SCRN3: variants seen among roughly 807,000 people sequenced by gnomAD.
SCRN3 encodes secernin-3.
SCRN3 carries 39 observed loss-of-function variants against 43.1 expected under a neutral mutation model. The ratio of observed to expected loss-of-function variants is 0.91; its 90% confidence interval spans 0.70 to 1.18. The LOEUF is 1.18. SCRN3 is among the 50% of genes most tolerant of loss of function. SCRN3 has a pLI of 0.00. For synonymous variants in SCRN3, 147 were observed against 163.1 expected (o/e 0.90, Z 0.75); for missense variants, 484 against 498.0 (o/e 0.97, Z 0.27).
intron 5 of SCRN3, among the ~76,000 whole-genome samples, chr2:174,419,555 T>G (rs1462017109): frequency 6.6e-6 from 1 of 152,100 alleles, no homozygotes; most frequent in East Asian, 1.9e-4. Flanking sequence ...AAATTTTTTT[T>G]TTTGGTAATA....
At chr2:174,399,675 A>G (rs1685436452) in intron 2 of SCRN3, among the ~76,000 whole-genome samples, 1 of 152,180 alleles carries the variant, frequency 6.6e-6, no homozygotes, top group African/African-American at 2.4e-5. Flanking sequence ...TAACTAACAT[A>G]TCTCTTGGCA....
At chr2:174,397,756 A>T (rs1398689968) in intron 1 of SCRN3, among the ~76,000 whole-genome samples, 3 of 152,226 alleles carry the variant, frequency 2.0e-5, no homozygotes, top group Non-Finnish European at 4.4e-5. Context: ...AGCCTTTACA[A>T]CAATAGAGCT....
rs1226041041 is a variant in SCRN3 at position 174,396,385 on chromosome 2, A to G, written c.-10+568A>G. 4 of 933,724 alleles carry G rather than the reference A, an allele frequency of 4.3e-6. No homozygotes were observed. The East Asian group carries it at 4.7e-4, about 109-fold the overall frequency. The allele number at this position is 933,724 out of a possible 1,614,324, so 57.8% of individuals were successfully genotyped here. On this transcript the variant is annotated intron_variant, in intron 1 of 7. Coordinates refer to ENST00000272732, the MANE Select transcript of SCRN3 (RefSeq NM_024583.5). ...CTTAGCTTTCCCTACGACCCCAGTT[A>G]GGCAGCTCAGGTTACTATTGCAGCT...
chr2:174,418,009 G>A (rs1466539131), intron 5 of SCRN3, among the ~76,000 whole-genome samples: 2 of 152,168 alleles, frequency 1.3e-5, no homozygotes, highest in South Asian at 2.1e-4. Flanking sequence ...CTTTAAAAAT[G>A]AAGAACAACA....
intron 5 of SCRN3, among the ~76,000 whole-genome samples, chr2:174,412,625 G>C (rs1304283320): frequency 6.6e-6 from 1 of 152,174 alleles, no homozygotes; most frequent in African/African-American, 2.4e-5. Flanking sequence ...AAAGAAGGGA[G>C]ACCACCAAGG....
chr2:174,406,460 T>G (rs1307127238), intron 5 of SCRN3, among the ~76,000 whole-genome samples: 10 of 140,264 alleles, frequency 7.1e-5, no homozygotes, highest in Admixed American at 4.3e-4. Flanking sequence ...TTCCTTCTCC[T>G]GCCTAATTGC....
In SCRN3 at chr2:174,398,405, C is replaced by T. The variant is rs1184246011; in HGVS notation, c.122C>T (p.Pro41Leu). 1.9e-6 allele frequency: 3 copies of T among 1,602,414 alleles called. No individual in the cohort carries two copies. The African/African-American group carries it at 4.0e-5, about 22-fold the overall frequency. The change falls in exon 2 of 8, where the codon CCT (proline) becomes CTT (leucine). Residue 41 changes from proline to leucine, a missense_variant. By Grantham distance (98) the Pro-to-Leu change is moderately conservative. Transcript: ENST00000272732. ...YDEVQEVVYF[P>L]AVVHDNLGER... Reference sequence around the variant, plus strand: ...GAAGTACAAGAGGTGGTTTATTTTCCTGCTGTAGTTCATGATAACCTGGGA... The same window carrying T: ...GAAGTACAAGAGGTGGTTTATTTTCTTGCTGTAGTTCATGATAACCTGGGA...
rs777076118 is a variant in SCRN3 at position 174,422,966 on chromosome 2, C to T, written c.836C>T (p.Thr279Ile). Reference protein sequence around the residue: ...GINMEGEFLTTASMVSILPQD... With the variant: ...GINMEGEFLTIASMVSILPQD... The stretch of plus-strand genomic sequence containing the variant: ...AATATGGAGGGAGAATTCCTGACCA[C>T]TGCAAGCATGGTTTCTATTTTACCT... The change falls in exon 6 of 8, where the codon ACT becomes ATT. Residue 279 changes from threonine (T) to isoleucine (I), a missense_variant. Coordinates refer to ENST00000272732, the MANE Select transcript of SCRN3 (RefSeq NM_024583.5). 27 of 1,613,088 alleles carry T rather than the reference C, an allele frequency of 1.7e-5. No homozygotes were observed. The highest frequency in any genetic ancestry group is 2.2e-5 in the Non-Finnish European group (26 of 1,179,066).
chr2:174,426,365 A>G (rs1686481128), intron 7 of SCRN3, among the ~76,000 whole-genome samples: 1 of 152,152 alleles, frequency 6.6e-6, no homozygotes, highest in Non-Finnish European at 1.5e-5. Context: ...TTTCCCACTA[A>G]TATGAAATGT....
chr2:174,398,160 A>G (rs1685386322), intron 1 of SCRN3, 115 bp from the exon 2 acceptor site: 2 of 621,690 alleles, frequency 3.2e-6, no homozygotes, highest in East Asian at 3.4e-5. Flanking sequence ...CAAAGCTTTA[A>G]TGAACATCCT....
At chr2:174,403,617 T>C (rs1685581266) in intron 4 of SCRN3, among the ~76,000 whole-genome samples, 1 of 152,210 alleles carries the variant, frequency 6.6e-6, no homozygotes, top group Non-Finnish European at 1.5e-5. Context: ...TTACATATTA[T>C]TCCATTTATA....
Position 174,395,780 on chromosome 2 carries a change from C to T in SCRN3, c.-47C>T, listed in dbSNP as rs1422319787. The T allele has an allele frequency of 3.2e-6, 5 of 1,566,012 alleles. No homozygotes were observed. The highest frequency in any genetic ancestry group is 2.3e-5 in the South Asian group (2 of 85,494). On this transcript the variant is annotated 5_prime_UTR_variant, in exon 1 of 8. Transcript: ENST00000272732. The stretch of plus-strand genomic sequence containing the variant: ...TGATGCCTCCACTGGCCACTCCTCC[C>T]TCCGTCCACCTGTCACTTCGGGTAG...
chr2:174,397,181 A>G (rs892811331), intron 1 of SCRN3: 8 of 978,444 alleles, frequency 8.2e-6, no homozygotes, highest in Non-Finnish European at 8.5e-6. Flanking sequence ...TGAAGTTTTT[A>G]TTTAGTCATT....
chr2:174,406,384 T>A (rs12053100), intron 5 of SCRN3, among the ~76,000 whole-genome samples: 16,524 of 128,848 alleles, frequency 0.13, 1,467 homozygotes, highest in South Asian at 0.22. Context: ...TTTCTAGATA[T>A]ACAATCATGT....
intron 4 of SCRN3, 24 bp downstream of exon 4, chr2:174,401,213 A>C (rs1188352045): frequency 6.3e-7 from 1 of 1,594,928 alleles, no homozygotes. Flanking sequence ...TTTGTGATTT[A>C]ACTTGTTTTT....
chr2:174,404,352 C>A (rs1204986207), intron 5 of SCRN3, 37 bp downstream of exon 5: 11 of 1,433,834 alleles, frequency 7.7e-6, no homozygotes, highest in Non-Finnish European at 9.7e-6. Flanking sequence ...GGATGACAAA[C>A]TACATTTTGT....
intron 3 of SCRN3, among the ~76,000 whole-genome samples, 196 bp downstream of exon 3, chr2:174,400,299 T>A (rs1193017738): frequency 6.6e-6 from 1 of 152,124 alleles, no homozygotes; most frequent in African/African-American, 2.4e-5. Context: ...TAATTTTTAT[T>A]TTTTTGAGAT....
At chr2:174,427,305 A>G in intron 7 of SCRN3, among the ~76,000 whole-genome samples, 1 of 152,130 alleles carries the variant, frequency 6.6e-6, no homozygotes, top group East Asian at 1.9e-4. Flanking sequence ...TTTTTCCTGA[A>G]CATTATTGTT....
chr2:174,401,769 G>A (rs1267826928), intron 4 of SCRN3, among the ~76,000 whole-genome samples: 1 of 152,088 alleles, frequency 6.6e-6, no homozygotes, highest in Non-Finnish European at 1.5e-5. Context: ...GATTTAAGGT[G>A]GTAAATGAAA....
Sources: allele counts gnomAD v4.1 joint callset (sites outside exome capture counted in the v4.1 genomes callset), GRCh38; gene constraint gnomAD v4.1.1; transcripts MANE v1.5; gene names NCBI Gene and HGNC (gene_info 2026-07-23, HGNC 2026-07-21).